The following WWOX variants were observed in gnomAD, a reference collection of about 807,000 sequenced individuals.
The protein encoded by WWOX is WW domain-containing oxidoreductase.
WWOX carries 69 observed loss-of-function variants against 46.2 expected under a neutral mutation model. The ratio of observed to expected loss-of-function variants is 1.49; its 90% confidence interval spans 1.23 to 1.82. WWOX has a LOEUF of 1.82. Among genes scored for constraint, WWOX ranks in the 40% most tolerant of loss-of-function variants. The probability of loss-of-function intolerance (pLI) is 0.00; values close to 1 mark genes in which losing one functional copy is unlikely to be tolerated. For missense variants in WWOX, 919 were observed against 542.6 expected, an observed-to-expected ratio of 1.69 and a Z score of -6.89; for synonymous variants, 359 against 202.6, an observed-to-expected ratio of 1.77 and a Z score of -6.56.
chr16:79,033,216 A>ATG (rs2047800103), intron 8 of WWOX, among the ~76,000 whole-genome samples: 1 of 147,232 alleles, frequency 6.8e-6, no homozygotes, highest in African/African-American at 2.5e-5. Flanking sequence ...GTATATATAT[A>ATG]TTTGTTAGGG....
rs541236431 is a variant in WWOX, at chr16:79,190,236, G to A, written c.1057-21372G>A. ...GACAGGGTTTCACCGTGTTGGCCAG[G>A]CTGGTCTCGAACTCCTGACCTCAAG... On this transcript the variant is annotated intron_variant, in intron 8 of 8. Coordinates refer to ENST00000566780, the MANE Select transcript of WWOX (RefSeq NM_016373.4). 1.4e-4 allele frequency among the ~76,000 whole-genome samples: 21 copies of A among 152,188 alleles called. No homozygotes were observed. The South Asian group carries it at 4.3e-3, about 32-fold the overall frequency.
At chr16:78,558,113 G>A (rs1265429123) in intron 8 of WWOX, among the ~76,000 whole-genome samples, 2 of 152,126 alleles carry the variant, frequency 1.3e-5, no homozygotes, top group Non-Finnish European at 2.9e-5. Context: ...CTCATTCTTG[G>A]CTTTCAGAGA....
intron 5 of WWOX, among the ~76,000 whole-genome samples, chr16:78,334,861 C>T (rs2080848667): frequency 7.0e-6 from 1 of 142,550 alleles, no homozygotes; most frequent in African/African-American, 2.8e-5. Flanking sequence ...CACACAAAAT[C>T]ACCAAATCAC....
intron 8 of WWOX, among the ~76,000 whole-genome samples, chr16:79,064,513 G>A (rs1306325986): frequency 2.0e-5 from 3 of 152,216 alleles, no homozygotes; most frequent in Non-Finnish European, 4.4e-5. Context: ...GTCTAGGAAC[G>A]CAGATGTGGA....
chr16:79,067,821 A>G (rs1597343350), intron 8 of WWOX, among the ~76,000 whole-genome samples: 1 of 152,134 alleles, frequency 6.6e-6, no homozygotes, highest in Non-Finnish European at 1.5e-5. Flanking sequence ...TGCTGCTGAC[A>G]GTGTTGCGAG....
chr16:78,363,446 T>TA (rs10712429), intron 5 of WWOX, among the ~76,000 whole-genome samples: 1 of 151,166 alleles, frequency 6.6e-6, no homozygotes, highest in Admixed American at 6.6e-5. Flanking sequence ...GCTGATTATT[T>TA]AAAAAAAAAT....
chr16:78,187,743 G>A (rs2035755996), intron 5 of WWOX, among the ~76,000 whole-genome samples: 1 of 152,214 alleles, frequency 6.6e-6, no homozygotes, highest in African/African-American at 2.4e-5. Context: ...AAATAGTGCG[G>A]AATCTTTTCT....
chr16:78,799,174 T>A (rs1435560542), intron 8 of WWOX, among the ~76,000 whole-genome samples: 1 of 152,188 alleles, frequency 6.6e-6, no homozygotes, highest in Non-Finnish European at 1.5e-5. Flanking sequence ...AGTTAGGAAA[T>A]ATTTAAAACT....
At chr16:79,053,198 G>C (rs1216958195) in intron 8 of WWOX, among the ~76,000 whole-genome samples, 1 of 152,152 alleles carries the variant, frequency 6.6e-6, no homozygotes, top group Non-Finnish European at 1.5e-5. Flanking sequence ...ACAGAAACTA[G>C]ATGGGGAGGC....
intron 2 of WWOX, among the ~76,000 whole-genome samples, chr16:78,109,334 A>T: frequency 6.6e-6 from 1 of 152,170 alleles, no homozygotes; most frequent in African/African-American, 2.4e-5. Flanking sequence ...AAAAAATATG[A>T]GAAGGTTCCT....
At chr16:79,048,525 A>T (rs534095172) in intron 8 of WWOX, among the ~76,000 whole-genome samples, 2 of 152,248 alleles carry the variant, frequency 1.3e-5, no homozygotes, top group East Asian at 3.9e-4. Flanking sequence ...ATATATATAT[A>T]TAAAAATTTG....
At chr16:78,673,681 C>T (rs2047520201) in intron 8 of WWOX, among the ~76,000 whole-genome samples, 1 of 152,170 alleles carries the variant, frequency 6.6e-6, no homozygotes, top group Non-Finnish European at 1.5e-5. Context: ...GCCTAAAGTG[C>T]AAATTGCCAA....
At chr16:78,513,503 G>C (rs1381356730) in intron 8 of WWOX, among the ~76,000 whole-genome samples, 2 of 152,134 alleles carry the variant, frequency 1.3e-5, no homozygotes, top group African/African-American at 4.8e-5. Flanking sequence ...CTTACTGTAT[G>C]ATGGTTGCTT....
chr16:78,887,134 G>GTGTA (rs2044481322), intron 8 of WWOX, among the ~76,000 whole-genome samples: 1 of 134,880 alleles, frequency 7.4e-6, no homozygotes, highest in African/African-American at 2.8e-5. Flanking sequence ...GTGTGTGTGT[G>GTGTA]TATACCTAGT....
At chr16:78,678,359 G>C (rs2047652843) in intron 8 of WWOX, among the ~76,000 whole-genome samples, 1 of 152,210 alleles carries the variant, frequency 6.6e-6, no homozygotes. Flanking sequence ...CTGGGCAACA[G>C]AGCGAGACCT....
At chr16:78,864,965 G>C (rs144641262) in intron 8 of WWOX, among the ~76,000 whole-genome samples, 1 of 151,732 alleles carries the variant, frequency 6.6e-6, no homozygotes, top group Non-Finnish European at 1.5e-5. Context: ...GTTTTACCAT[G>C]TTGGCCAGGC....
intron 8 of WWOX, among the ~76,000 whole-genome samples, chr16:79,097,137 G>A (rs577747359): frequency 6.6e-6 from 1 of 152,020 alleles, no homozygotes; most frequent in Non-Finnish European, 1.5e-5. Flanking sequence ...TTATGGACAG[G>A]AATACATGTA....
At chr16:79,053,177 C>T (rs1017851522) in intron 8 of WWOX, among the ~76,000 whole-genome samples, 2 of 152,108 alleles carry the variant, frequency 1.3e-5, no homozygotes, top group Admixed American at 6.5e-5. Context: ...ATTGCGTTTT[C>T]TATTTTATTG....
At chr16:78,729,109 G>T (rs931540978) in intron 8 of WWOX, among the ~76,000 whole-genome samples, 2 of 152,086 alleles carry the variant, frequency 1.3e-5, no homozygotes, top group African/African-American at 4.8e-5. Flanking sequence ...TTGGGAGGCT[G>T]AGGCAGGCGG....
Sources: allele counts gnomAD v4.1 joint callset (sites outside exome capture counted in the v4.1 genomes callset), GRCh38; gene constraint gnomAD v4.1.1; transcripts MANE v1.5; gene names NCBI Gene and HGNC (gene_info 2026-07-23, HGNC 2026-07-21).